Variants in ZZZ3 observed in about 807,000 individuals in gnomAD.
ZZZ3 encodes zinc finger ZZ-type containing 3.
ZZZ3 carries 22 observed loss-of-function variants against 95.2 expected under a neutral mutation model. That is an observed-to-expected ratio of 0.23 (90% CI 0.17 to 0.33). ZZZ3 has a LOEUF of 0.33. Ranked by LOEUF, ZZZ3 falls within the 10% of genes least tolerant of loss-of-function variation. The pLI is 1.00. For synonymous variants in ZZZ3, 335 were observed against 358.9 expected (o/e 0.93, Z 0.75); for missense variants, 885 against 1,066.5 (o/e 0.83, Z 2.37).
chr1:77,681,013 G>GT (rs1440814544), intron 1 of ZZZ3, among the ~76,000 whole-genome samples: 12 of 152,154 alleles, frequency 7.9e-5, no homozygotes, highest in South Asian at 4.1e-4. Flanking sequence ...AAAAATCTGC[G>GT]TAAGTATGCA....
chr1:77,590,369 C>G (rs1296376798), intron 5 of ZZZ3, among the ~76,000 whole-genome samples: 2 of 152,082 alleles, frequency 1.3e-5, no homozygotes, highest in Non-Finnish European at 2.9e-5. Context: ...GAGCAAGACT[C>G]CGTCTCAAAA....
At chr1:77,655,094 A>G (rs1415401032) in intron 1 of ZZZ3, among the ~76,000 whole-genome samples, 1 of 152,168 alleles carries the variant, frequency 6.6e-6, no homozygotes, top group Non-Finnish European at 1.5e-5. Context: ...TGAGCGTGCT[A>G]ATGTGCTAGC....
chr1:77,642,998 G>C (rs561198655), intron 1 of ZZZ3, among the ~76,000 whole-genome samples: 71 of 152,142 alleles, frequency 4.7e-4, no homozygotes, highest in African/African-American at 1.6e-3. Flanking sequence ...GATCGCTTGA[G>C]CCTAGGAGTT....
intron 1 of ZZZ3, among the ~76,000 whole-genome samples, chr1:77,679,480 T>G (rs1381021972): frequency 6.6e-6 from 1 of 152,072 alleles, no homozygotes; most frequent in Admixed American, 6.6e-5. Context: ...TTTTTTCTTT[T>G]TTGGTAGAAA....
chr1:77,662,503 G>A (rs1274228243), intron 1 of ZZZ3, among the ~76,000 whole-genome samples: 2 of 152,140 alleles, frequency 1.3e-5, no homozygotes, highest in African/African-American at 4.8e-5. Context: ...ATGGAAGGGT[G>A]GGAAATTTGA....
At chr1:77,629,761 G>A (rs999958448) in intron 5 of ZZZ3, among the ~76,000 whole-genome samples, 4 of 152,148 alleles carry the variant, frequency 2.6e-5, no homozygotes, top group African/African-American at 9.7e-5. Context: ...TTCTAACAAA[G>A]CAACTAGCAT....
chr1:77,641,556 C>T lies in ZZZ3; in HGVS notation c.-303G>A. 1 of 398,234 alleles carries T rather than the reference C, an allele frequency of 2.5e-6. No individual in the cohort carries two copies. 24.7% of individuals were successfully genotyped at this position (398,234 alleles called of 1,614,324 possible). ...AGCGTTTTGCCTAGTATTTGATCCC[C>T]ATGCGTCTGTATTTATCTGTCATCA... On this transcript the variant is annotated 5_prime_UTR_variant, in exon 2 of 15. An upstream start codon of the reference 5' UTR is lost. Transcript: ENST00000370801.
At chr1:77,606,965 G>A (rs1302982275) in intron 5 of ZZZ3, among the ~76,000 whole-genome samples, 1 of 152,196 alleles carries the variant, frequency 6.6e-6, no homozygotes, top group Admixed American at 6.5e-5. Context: ...GCCAACACAG[G>A]AAAACAGAAC....
chr1:77,635,604 GT>G (rs1470324738), intron 4 of ZZZ3, among the ~76,000 whole-genome samples: 2 of 152,168 alleles, frequency 1.3e-5, no homozygotes, highest in Admixed American at 6.6e-5. Flanking sequence ...TTCAAATGAT[GT>G]TTTAAAAGAA....
intron 8 of ZZZ3, 146 bp from the exon 9 acceptor site, chr1:77,581,215 T>A (rs1352995315): frequency 3.1e-6 from 2 of 655,432 alleles, no homozygotes; most frequent in Non-Finnish European, 2.6e-6. Context: ...GCTTTTTTTT[T>A]AACTGTTTAC....
At chr1:77,614,106 T>C (rs748542542) in intron 5 of ZZZ3, among the ~76,000 whole-genome samples, 1 of 152,200 alleles carries the variant, frequency 6.6e-6, no homozygotes, top group Non-Finnish European at 1.5e-5. Flanking sequence ...GACACTAATG[T>C]AAAATATTTT....
intron 1 of ZZZ3, among the ~76,000 whole-genome samples, chr1:77,674,288 C>T (rs1317243712): frequency 6.6e-6 from 1 of 152,132 alleles, no homozygotes; most frequent in Non-Finnish European, 1.5e-5. Flanking sequence ...CGTATCAGAA[C>T]AGGATGAAGA....
At chr1:77,667,870 A>G (rs1459254149) in intron 1 of ZZZ3, among the ~76,000 whole-genome samples, 1 of 146,804 alleles carries the variant, frequency 6.8e-6, no homozygotes, top group Non-Finnish European at 1.5e-5. Flanking sequence ...GGTTCAAGTG[A>G]TTCTCCTGCC....
At chr1:77,575,943 TAAAA>T in intron 12 of ZZZ3, 121 bp downstream of exon 12, 1 of 750,764 alleles carries the variant, frequency 1.3e-6, no homozygotes, top group Non-Finnish European at 2.0e-6. Context: ...GTACATTACT[TAAAA>T]ACTATACATT....
At chr1:77,605,041 T>C (rs897004786) in intron 5 of ZZZ3, among the ~76,000 whole-genome samples, 3 of 152,028 alleles carry the variant, frequency 2.0e-5, no homozygotes, top group Non-Finnish European at 4.4e-5. Context: ...CTAACAACTA[T>C]CTACCCAAAA....
chr1:77,650,886 T>C (rs963144046), intron 1 of ZZZ3, among the ~76,000 whole-genome samples: 1 of 152,176 alleles, frequency 6.6e-6, no homozygotes, highest in Non-Finnish European at 1.5e-5. Context: ...ATAGATTCTA[T>C]AGATGTTTTA....
intron 5 of ZZZ3, among the ~76,000 whole-genome samples, chr1:77,593,695 T>C (rs1219791994): frequency 6.6e-6 from 1 of 152,186 alleles, no homozygotes; most frequent in Non-Finnish European, 1.5e-5. Context: ...AATTACTCTA[T>C]AACTGTGCAT....
intron 1 of ZZZ3, among the ~76,000 whole-genome samples, chr1:77,670,363 G>A (rs998682795): frequency 2.6e-5 from 4 of 151,782 alleles, no homozygotes; most frequent in East Asian, 1.9e-4. Context: ...GGGTTCAAGC[G>A]ATTCTCCTGC....
chr1:77,649,516 C>A (rs1483659498), intron 1 of ZZZ3, among the ~76,000 whole-genome samples: 1 of 152,064 alleles, frequency 6.6e-6, no homozygotes, highest in African/African-American at 2.4e-5. Flanking sequence ...AAGGAAAAGA[C>A]ACTAGATGGA....
Sources: allele counts gnomAD v4.1 joint callset (sites outside exome capture counted in the v4.1 genomes callset), GRCh38; gene constraint gnomAD v4.1.1; transcripts MANE v1.5; gene names NCBI Gene and HGNC (gene_info 2026-07-23, HGNC 2026-07-21).